The following UBE4A variants were observed in gnomAD, a reference collection of about 807,000 sequenced individuals.
UBE4A encodes ubiquitin conjugation factor E4 A.
Under a neutral mutation model 117.9 loss-of-function variants are expected in UBE4A, and 48 were observed. That is an observed-to-expected ratio of 0.41 (90% confidence interval 0.32 to 0.52). UBE4A has a LOEUF of 0.52. Among genes scored for constraint, UBE4A ranks in the 20% least tolerant of loss-of-function variants. The probability of loss-of-function intolerance (pLI) is 0.33; values close to 1 mark genes in which losing one functional copy is unlikely to be tolerated. For missense variants in UBE4A, 1,067 were observed against 1,296.3 expected, an observed-to-expected ratio of 0.82 and a Z score of 2.72; for synonymous variants, 407 against 450.0, an observed-to-expected ratio of 0.90 and a Z score of 1.21.
intron 1 of UBE4A, among the ~76,000 whole-genome samples, chr11:118,360,857 G>T (rs890071638): frequency 1.3e-5 from 2 of 152,002 alleles, no homozygotes; most frequent in South Asian, 2.1e-4. Context: ...TATTTTAAAA[G>T]AATCAAATCC....
In UBE4A at chr11:118,384,875, C is replaced by T; in HGVS notation, c.2342C>T (p.Pro781Leu). 1 of 1,613,458 alleles carries T rather than the reference C, an allele frequency of 6.2e-7. No homozygotes were observed. The highest frequency in any genetic ancestry group is 8.5e-7 in the Non-Finnish European group (1 of 1,179,908). ...YASKNLEAMN[P>L]PLFLRFLNLL... ...TCTAAGAATTTAGAAGCCATGAATC[C>T]CCCACTTTTCCTCCGCTTTCTTAAC... Residue 781 changes from proline to leucine, a missense_variant, in exon 15 of 20, where the codon CCC becomes CTC. By Grantham distance (98) the Pro-to-Leu change is moderately conservative (BLOSUM62 -3). Around this residue, in one of 3 missense-constraint regions of UBE4A, gnomAD observed 1,001 missense variants for 1,184.0 expected, o/e 0.85. Coordinates refer to ENST00000252108, the MANE Select transcript of UBE4A (RefSeq NM_001204077.2).
Position 118,373,121 on chromosome 11 carries a change from A to C in UBE4A, c.757A>C (p.Ile253Leu). ...TGTAACTGAGTTTCTGGAAGAGGTC[A>C]TTGAAGCCTTGATATTGGATGAGGA... is the stretch of plus-strand genomic sequence containing the variant. ...EDVTEFLEEVIEALILDEEVR... is the reference protein window; with the variant it reads ...EDVTEFLEEVLEALILDEEVR... The change falls in exon 7 of 20, where the codon ATT becomes CTT. Residue 253 changes from isoleucine (I) to leucine (L), a missense_variant. By Grantham distance (5) the Ile-to-Leu change is conservative. Transcript: ENST00000252108. The C allele has an allele frequency of 6.2e-7, 1 of 1,614,114 alleles. No individual in the cohort carries two copies. The highest frequency in any genetic ancestry group is 8.5e-7 in the Non-Finnish European group (1 of 1,180,014).
Position 118,398,046 on chromosome 11 carries a change from A to G in UBE4A, c.*1606A>G, listed in dbSNP as rs1948891338. ...CAGGATTTGTTTATTTTCTAAAATTAGCTTCATTCAATATTTATCATCCTC... is the reference window on the plus strand; with the variant it reads ...CAGGATTTGTTTATTTTCTAAAATTGGCTTCATTCAATATTTATCATCCTC... On this transcript the variant is annotated 3_prime_UTR_variant, in exon 20 of 20. Coordinates refer to ENST00000252108, the MANE Select transcript of UBE4A (RefSeq NM_001204077.2). 1 of 152,664 alleles carries G rather than the reference A, an allele frequency of 6.6e-6. No individual in the cohort carries two copies. The highest frequency in any genetic ancestry group is 6.5e-5 in the Admixed American group (1 of 15,280). 9.5% of individuals were successfully genotyped at this position (152,664 alleles called of 1,614,324 possible). A position where few individuals can be genotyped will look rare whatever the true frequency, so the allele number is the denominator to read the frequency against.
At chr11:118,392,991 A>C in intron 19 of UBE4A, 96 bp downstream of exon 19, 2 of 1,186,920 alleles carry the variant, frequency 1.7e-6, no homozygotes, top group Middle Eastern at 2.8e-4. Context: ...TGCACCCAAC[A>C]CATACCACAT....
rs554428823 is a variant in UBE4A at position 118,360,878 on chromosome 11, A to G, written c.-42+1204A>G. On this transcript the variant is annotated intron_variant, in intron 1 of 19. Coordinates refer to ENST00000252108, the MANE Select transcript of UBE4A (RefSeq NM_001204077.2). The stretch of plus-strand genomic sequence containing the variant: ...AAAAGAATCAAATCCAAAAGCTTCT[A>G]AGGTTGGTAGCTGTACCATCCCAAA... 2.0e-5 allele frequency among the ~76,000 whole-genome samples: 3 copies of G among 152,292 alleles called. No homozygotes were observed. In the South Asian group the frequency reaches 6.2e-4, roughly 32 times the overall value.
Position 118,389,769 on chromosome 11 carries a change from A to G in UBE4A, c.2632A>G (p.Ile878Val). The G allele has an allele frequency of 3.1e-6, 5 of 1,613,614 alleles. No homozygotes were observed. Among genetic ancestry groups the G allele is most frequent in the Non-Finnish European group, 4.2e-6 (5 of 1,179,572 alleles). The change falls in exon 17 of 20, where the codon ATC becomes GTC. Residue 878 changes from isoleucine (I) to valine (V), a missense_variant. Coordinates refer to ENST00000252108, the MANE Select transcript of UBE4A (RefSeq NM_001204077.2). ...GCATCCCTTCCTGGCTGAGCGCATC[A>G]TCTCCATGTTGAACTACTTCCTGCA... ...FVHPFLAERI[I>V]SMLNYFLQHL...
At chr11:118,395,965 C>T (rs1039583899) in intron 19 of UBE4A, among the ~76,000 whole-genome samples, 3 of 152,030 alleles carry the variant, frequency 2.0e-5, no homozygotes, top group Admixed American at 6.6e-5. Context: ...ATCCCAGCTA[C>T]TTGGGAGGCT....
rs1464677972 is a variant in UBE4A at position 118,398,052 on chromosome 11, A to G, written c.*1612A>G. ...TTGTTTATTTTCTAAAATTAGCTTC[A>G]TTCAATATTTATCATCCTCCTTTCC... On this transcript the variant is annotated 3_prime_UTR_variant, in exon 20 of 20. Coordinates refer to ENST00000252108, the MANE Select transcript of UBE4A (RefSeq NM_001204077.2). The G allele has an allele frequency of 6.6e-6, 1 of 152,646 alleles. No homozygotes were observed. Among genetic ancestry groups the G allele is most frequent in the Non-Finnish European group, 1.5e-5 (1 of 68,042 alleles). 9.5% of individuals were successfully genotyped at this position (152,646 alleles called of 1,614,324 possible).
chr11:118,367,048 A>G (rs1948569099), intron 2 of UBE4A, among the ~76,000 whole-genome samples: 1 of 152,204 alleles, frequency 6.6e-6, no homozygotes, highest in Non-Finnish European at 1.5e-5. Context: ...TACTAAAAAT[A>G]CAAAAATTAG....
Position 118,384,729 on chromosome 11 carries a change from C to G in UBE4A, c.2292C>G (p.Ser764Arg). 1 of 1,613,722 alleles carries G rather than the reference C, an allele frequency of 6.2e-7. No individual in the cohort carries two copies. Among genetic ancestry groups the G allele is most frequent in the East Asian group, 2.2e-5 (1 of 44,866 alleles). ...GGGGGACAGATACCTATCGGGAGAGCATTAAGGTGAGAGAGTTTTTGATGA... is the reference window on the plus strand; with the variant it reads ...GGGGGACAGATACCTATCGGGAGAGGATTAAGGTGAGAGAGTTTTTGATGA... ...YMWGTDTYRE[S>R]IKDLADYASK... The change falls in exon 14 of 20, where the codon AGC (serine) becomes AGG (arginine). Residue 764 changes from serine (S) to arginine (R), a missense_variant. Coordinates refer to ENST00000252108, the MANE Select transcript of UBE4A (RefSeq NM_001204077.2).
intron 11 of UBE4A, among the ~76,000 whole-genome samples, chr11:118,380,967 A>G (rs1343033036): frequency 6.6e-6 from 1 of 152,210 alleles, no homozygotes; most frequent in Non-Finnish European, 1.5e-5. Flanking sequence ...TCTACTCTGA[A>G]AGAGTGAATG....
At chr11:118,390,583 C>T (rs1948805808) in intron 17 of UBE4A, 74 bp from the exon 18 acceptor site, 1 of 1,289,146 alleles carries the variant, frequency 7.8e-7, no homozygotes, top group Non-Finnish European at 1.0e-6. Flanking sequence ...AATGCTTGTT[C>T]TGCAGCCTAC....
intron 2 of UBE4A, among the ~76,000 whole-genome samples, chr11:118,366,705 A>G (rs934209709): frequency 2.1e-4 from 32 of 152,232 alleles, no homozygotes; most frequent in African/African-American, 7.7e-4. Flanking sequence ...CATTCTGTCA[A>G]TAGAGAAAAG....
intron 1 of UBE4A, among the ~76,000 whole-genome samples, chr11:118,360,388 T>C (rs1456587979): frequency 1.3e-5 from 2 of 152,360 alleles, no homozygotes; most frequent in Non-Finnish European, 2.9e-5. Context: ...GACTGCTGTC[T>C]GCTTTTTGAC....
intron 10 of UBE4A, 119 bp downstream of exon 10, chr11:118,376,813 G>T (rs1948656585): frequency 5.6e-6 from 7 of 1,257,170 alleles, no homozygotes; most frequent in Non-Finnish European, 7.5e-6. Context: ...ATTTTGGGAG[G>T]CCAAGGCAGA....
At chr11:118,383,832 G>A (rs974607740) in intron 13 of UBE4A, among the ~76,000 whole-genome samples, 1 of 151,686 alleles carries the variant, frequency 6.6e-6, no homozygotes, top group East Asian at 1.9e-4. Flanking sequence ...TTTTTAATTC[G>A]CTCACCTATC....
At chr11:118,365,236 A>G in intron 2 of UBE4A, 35 bp downstream of exon 2, 1 of 1,534,726 alleles carries the variant, frequency 6.5e-7, no homozygotes, top group Non-Finnish European at 8.8e-7. Flanking sequence ...AAATAAGATG[A>G]CCTAGAATGG....
rs1372434659 is a variant in UBE4A, at chr11:118,397,625, G to T, written c.*1185G>T. The T allele has an allele frequency of 6.6e-6, 1 of 152,158 alleles. No individual in the cohort carries two copies. Among genetic ancestry groups the T allele is most frequent in the Non-Finnish European group, 1.5e-5 (1 of 68,020 alleles). The allele number at this position is 152,158 out of a possible 1,614,324, so 9.4% of individuals were successfully genotyped here. A position where few individuals can be genotyped will look rare whatever the true frequency, so the allele number is the denominator to read the frequency against. On this transcript the variant is annotated 3_prime_UTR_variant, in exon 20 of 20. Coordinates refer to ENST00000252108, the MANE Select transcript of UBE4A (RefSeq NM_001204077.2). ...GTGAACTTGAGCTCACTACTCAATTGTGCAGCTTAATATGCTGACTAGGGA... is the reference window on the plus strand; with the variant it reads ...GTGAACTTGAGCTCACTACTCAATTTTGCAGCTTAATATGCTGACTAGGGA...
chr11:118,374,113 CA>C (rs549023556), intron 8 of UBE4A, among the ~76,000 whole-genome samples: 169 of 142,926 alleles, frequency 1.2e-3, no homozygotes, highest in African/African-American at 2.9e-3. Context: ...GACTCTGTCT[CA>C]AAAAAAAAAA....
Sources: gnomAD v4.1 joint callset for allele counts (sites outside exome capture counted in the v4.1 genomes callset) on GRCh38, gnomAD v4.1.1 for gene constraint, gnomAD v4.1.1 regional missense constraint, MANE v1.5 for transcripts, NCBI Gene and HGNC (gene_info 2026-07-23, HGNC 2026-07-21) for gene names.